The following PAG1 variants were observed in gnomAD, a reference collection of about 807,000 sequenced individuals.
The protein encoded by PAG1 is phosphoprotein associated with glycosphingolipid-enriched microdomains 1.
Under a neutral mutation model 31.7 loss-of-function variants are expected in PAG1, and 23 were observed. That is an observed-to-expected ratio of 0.73 (90% CI 0.52 to 1.03). PAG1 has a LOEUF of 1.03. PAG1 is among the 50% of genes least tolerant of loss of function. The probability of loss-of-function intolerance (pLI) is 0.00; values close to 1 mark genes in which losing one functional copy is unlikely to be tolerated. For missense variants in PAG1, 473 were observed against 540.7 expected, an observed-to-expected ratio of 0.87 and a Z score of 1.24; for synonymous variants, 214 against 210.3, an observed-to-expected ratio of 1.02 and a Z score of -0.15.
intron 2 of PAG1, among the ~76,000 whole-genome samples, chr8:81,057,032 A>G (rs1808835572): frequency 6.6e-6 from 1 of 152,240 alleles, no homozygotes; most frequent in Non-Finnish European, 1.5e-5. Flanking sequence ...ACCATCTCAC[A>G]ACAGTTAGAA....
intron 1 of PAG1, among the ~76,000 whole-genome samples, chr8:81,106,174 T>C (rs540116491): frequency 6.6e-6 from 1 of 152,254 alleles, no homozygotes; most frequent in Admixed American, 6.5e-5. Flanking sequence ...GCCTTCCGAG[T>C]AGCTTGGATT....
chr8:81,055,083 T>C (rs541449276), intron 2 of PAG1, among the ~76,000 whole-genome samples: 127 of 151,410 alleles, frequency 8.4e-4, no homozygotes, highest in Non-Finnish European at 1.4e-3. Flanking sequence ...TTCTTTTTTT[T>C]TTTTTTTGTT....
chr8:81,094,987 T>C (rs1809503101), intron 1 of PAG1, among the ~76,000 whole-genome samples: 1 of 152,234 alleles, frequency 6.6e-6, no homozygotes, highest in Non-Finnish European at 1.5e-5. Context: ...CAGGGTTGTT[T>C]TGAGAATTAA....
chr8:81,013,250 CT>C (rs1397296646), intron 3 of PAG1, among the ~76,000 whole-genome samples: 1 of 152,188 alleles, frequency 6.6e-6, no homozygotes, highest in East Asian at 1.9e-4. Flanking sequence ...TGCATATTAT[CT>C]TCCTGGACAC....
At chr8:81,067,084 C>T (rs377148513) in intron 2 of PAG1, among the ~76,000 whole-genome samples, 7 of 152,144 alleles carry the variant, frequency 4.6e-5, no homozygotes, top group African/African-American at 7.2e-5. Context: ...ATCTCTTGAG[C>T]TCAGGGGTTT....
intron 3 of PAG1, among the ~76,000 whole-genome samples, chr8:80,997,716 A>C (rs1011579126): frequency 2.6e-5 from 4 of 152,198 alleles, no homozygotes; most frequent in Non-Finnish European, 5.9e-5. Flanking sequence ...GCCACAGAAG[A>C]TGGTAATATT....
chr8:81,005,428 C>T (rs1400782827), intron 3 of PAG1, among the ~76,000 whole-genome samples: 3 of 152,192 alleles, frequency 2.0e-5, no homozygotes, highest in Non-Finnish European at 2.9e-5. Context: ...TAGTAACACT[C>T]GTGCAGATCT....
intron 1 of PAG1, among the ~76,000 whole-genome samples, chr8:81,105,508 C>T (rs1367278951): frequency 6.6e-6 from 1 of 152,070 alleles, no homozygotes; most frequent in African/African-American, 2.4e-5. Flanking sequence ...TTGCAATTCC[C>T]AACTGCTGAA....
chr8:81,035,907 A>G (rs1412299679), intron 2 of PAG1, among the ~76,000 whole-genome samples: 3 of 151,332 alleles, frequency 2.0e-5, no homozygotes, highest in Non-Finnish European at 3.0e-5. Context: ...ACATATATAT[A>G]CATGCATATA....
intron 2 of PAG1, among the ~76,000 whole-genome samples, chr8:81,043,268 G>T (rs1808585785): frequency 6.6e-6 from 1 of 152,024 alleles, no homozygotes; most frequent in Non-Finnish European, 1.5e-5. Flanking sequence ...CATGCTTACT[G>T]AAAAAGTTCA....
At chr8:80,986,617 A>G (rs1807428196) in intron 6 of PAG1, among the ~76,000 whole-genome samples, 1 of 152,202 alleles carries the variant, frequency 6.6e-6, no homozygotes, top group Admixed American at 6.5e-5. Flanking sequence ...GGAAGGCAGA[A>G]CGACCCTGAA....
At chr8:81,072,401 G>A (rs1405828979) in intron 1 of PAG1, among the ~76,000 whole-genome samples, 1 of 152,202 alleles carries the variant, frequency 6.6e-6, no homozygotes, top group Non-Finnish European at 1.5e-5. Flanking sequence ...TTTGGGGCTG[G>A]AGAATTCTTT....
At chr8:81,030,183 C>T (rs138483116) in intron 2 of PAG1, 94 bp from the exon 3 acceptor site, 318 of 152,338 alleles carry the variant, frequency 2.1e-3, no homozygotes, top group African/African-American at 7.4e-3. Flanking sequence ...TGCTAGTGTA[C>T]TTATGCCAAA....
At chr8:81,008,188 C>T (rs1807919433) in intron 3 of PAG1, among the ~76,000 whole-genome samples, 1 of 152,072 alleles carries the variant, frequency 6.6e-6, no homozygotes, top group Non-Finnish European at 1.5e-5. Flanking sequence ...ATGCTATTAT[C>T]CCATAAACAA....
chr8:81,084,196 A>G (rs971184923), intron 1 of PAG1, among the ~76,000 whole-genome samples: 1 of 152,170 alleles, frequency 6.6e-6, no homozygotes, highest in Admixed American at 6.5e-5. Context: ...TTTTATGAAC[A>G]ATGTCTAGGA....
chr8:81,020,323 CA>C (rs1240327172), intron 3 of PAG1, among the ~76,000 whole-genome samples: 1 of 151,978 alleles, frequency 6.6e-6, no homozygotes, highest in Non-Finnish European at 1.5e-5. Flanking sequence ...TGGGAGGGGC[CA>C]GGGGTAGAAT....
At chr8:80,991,802 G>A (rs553962892) in intron 4 of PAG1, among the ~76,000 whole-genome samples, 49 of 151,648 alleles carry the variant, frequency 3.2e-4, no homozygotes, top group African/African-American at 1.1e-3. Flanking sequence ...GGAGAGGACC[G>A]AGGCCTGGGC....
intron 2 of PAG1, among the ~76,000 whole-genome samples, chr8:81,064,815 T>TGACATGCCACCAGGTTATC (rs147170958): frequency 6.6e-6 from 1 of 152,302 alleles, no homozygotes; most frequent in African/African-American, 2.4e-5. Flanking sequence ...TCGAAGACAC[T>TGACATGCCACCAGGTTATC]GACATGCCAC....
At chr8:81,105,692 G>C (rs1809682821) in intron 1 of PAG1, among the ~76,000 whole-genome samples, 1 of 152,216 alleles carries the variant, frequency 6.6e-6, no homozygotes, top group Non-Finnish European at 1.5e-5. Flanking sequence ...GCATGATGAA[G>C]GAATGGGTAT....
Sources: gnomAD v4.1 joint callset for allele counts (sites outside exome capture counted in the v4.1 genomes callset) on GRCh38, gnomAD v4.1.1 for gene constraint, MANE v1.5 for transcripts, NCBI Gene and HGNC (gene_info 2026-07-23, HGNC 2026-07-21) for gene names.